MBTPS2: variants seen among roughly 807,000 people sequenced by gnomAD.
The protein encoded by MBTPS2 is membrane-bound transcription factor site-2 protease.
MBTPS2 carries 2 observed loss-of-function variants against 35.4 expected under a neutral mutation model. The observed-to-expected ratio is 0.06, with a 90% CI of 0.02 to 0.18. The LOEUF is 0.18. Among genes scored for constraint, MBTPS2 ranks in the 10% least tolerant of loss-of-function variants. The pLI, the probability that MBTPS2 is intolerant of heterozygous loss-of-function variation, is 1.00. For synonymous variants in MBTPS2, 125 were observed against 140.4 expected, an observed-to-expected ratio of 0.89 and a Z score of 0.77; for missense variants, 244 against 386.5, an observed-to-expected ratio of 0.63 and a Z score of 3.09.
intron 1 of MBTPS2, among the ~76,000 whole-genome samples, chrX:21,842,296 A>G (rs750555933): frequency 8.9e-6 from 1 of 112,211 alleles, no homozygotes; most frequent in East Asian, 2.8e-4. Flanking sequence ...TTTAAGGGAC[A>G]TTATTGAGCC....
chrX:21,841,947 A>G (rs2092903083), intron 1 of MBTPS2: 1 of 111,503 alleles, frequency 9.0e-6, no homozygotes, highest in African/African-American at 3.3e-5. Flanking sequence ...AAGTTGTGTC[A>G]CTCCTTTTCC....
chrX:21,868,676 C>T, intron 6 of MBTPS2, 91 bp downstream of exon 6: 1 of 638,539 alleles, frequency 1.6e-6, no homozygotes, highest in Non-Finnish European at 2.7e-6. Context: ...AAGATCTCTT[C>T]ATATACAAAA....
chrX:21,882,287 C>G (rs933136926), intron 10 of MBTPS2, 146 bp from the exon 11 acceptor site: 1 of 500,059 alleles, frequency 2.0e-6, no homozygotes, highest in African/African-American at 2.4e-5. Context: ...TAGTAGAGAT[C>G]TAAGAAGGAA....
chrX:21,844,564 C>T (rs1445497573), intron 2 of MBTPS2, among the ~76,000 whole-genome samples: 1 of 111,869 alleles, frequency 8.9e-6, no homozygotes, highest in Non-Finnish European at 1.9e-5. Context: ...ATTCTATAGG[C>T]ATTAAAAACA....
intron 5 of MBTPS2, chrX:21,857,102 C>T (rs756850294): frequency 2.5e-6 from 3 of 1,209,819 alleles, no homozygotes; most frequent in Non-Finnish European, 1.1e-6. Flanking sequence ...AGGCTGAAAA[C>T]CCACCTGATT....
chrX:21,840,232 T>C (rs1055625085), intron 1 of MBTPS2, among the ~76,000 whole-genome samples: 2 of 112,809 alleles, frequency 1.8e-5, no homozygotes, highest in African/African-American at 6.4e-5. Context: ...CAAGTCGTGA[T>C]TGAAATCAGT....
intron 3 of MBTPS2, among the ~76,000 whole-genome samples, chrX:21,849,287 A>G (rs1394463318): frequency 8.9e-6 from 1 of 112,494 alleles, no homozygotes; most frequent in African/African-American, 3.2e-5. Flanking sequence ...CAAAGGACCA[A>G]TGCTGATATT....
intron 3 of MBTPS2, among the ~76,000 whole-genome samples, chrX:21,846,316 C>T (rs893198222): frequency 8.9e-6 from 1 of 111,918 alleles, no homozygotes; most frequent in African/African-American, 3.2e-5. Context: ...CTAGTAGATC[C>T]ATCATCACTG....
At chrX:21,850,956 C>T (rs925723781) in intron 3 of MBTPS2, among the ~76,000 whole-genome samples, 2 of 111,721 alleles carry the variant, frequency 1.8e-5, no homozygotes, top group African/African-American at 6.5e-5. Flanking sequence ...ATCGGGATCC[C>T]TATTAGACCA....
chrX:21,852,624 T>C (rs182813231), intron 4 of MBTPS2, among the ~76,000 whole-genome samples: 1 of 109,641 alleles, frequency 9.1e-6, no homozygotes, highest in East Asian at 2.8e-4. Context: ...ACTTGGGTAA[T>C]TTTTTTTTAA....
intron 5 of MBTPS2, among the ~76,000 whole-genome samples, chrX:21,854,609 A>T (rs766394582): frequency 8.9e-6 from 1 of 112,542 alleles, no homozygotes; most frequent in African/African-American, 3.2e-5. Context: ...CAATGAAAAT[A>T]TAACAGTTGT....
chrX:21,876,101 T>C (rs2092952728), intron 7 of MBTPS2, among the ~76,000 whole-genome samples: 1 of 112,111 alleles, frequency 8.9e-6, no homozygotes, highest in Non-Finnish European at 1.9e-5. Context: ...TTAGCTTGGA[T>C]TGATTTTTCT....
chrX:21,864,235 TTTTG>T (rs1262102157), intron 5 of MBTPS2, among the ~76,000 whole-genome samples: 1 of 112,333 alleles, frequency 8.9e-6, no homozygotes, highest in Non-Finnish European at 1.9e-5. Flanking sequence ...TTGTTTTGTT[TTTTG>T]TTTGTTTGTT....
At chrX:21,873,179 A>C (rs754894714) in intron 7 of MBTPS2, 1 of 111,758 alleles carries the variant, frequency 8.9e-6, no homozygotes, top group Admixed American at 9.5e-5. Flanking sequence ...TTAGATTTAA[A>C]CTCTTTGAAG....
chrX:21,862,062 A>G (rs2092932062), intron 5 of MBTPS2, among the ~76,000 whole-genome samples: 2 of 111,573 alleles, frequency 1.8e-5, no homozygotes, highest in African/African-American at 6.5e-5. Context: ...TAGCTCTGCT[A>G]TTCCCAACAT....
chrX:21,863,777 C>T lies in MBTPS2; in HGVS notation c.671-4690C>T, dbSNP rs1243159569. On this transcript the variant is annotated intron_variant, in intron 5 of 10. Coordinates refer to ENST00000379484, the MANE Select transcript of MBTPS2 (RefSeq NM_015884.4). ...TCCCGCTATCCCAAACATCACCTAGCCCATTAACTTCTCATTCCCAGTTGT... is the reference window on the plus strand; with the variant it reads ...TCCCGCTATCCCAAACATCACCTAGTCCATTAACTTCTCATTCCCAGTTGT... Among the ~76,000 whole-genome samples, 6 of 111,700 alleles carry T rather than the reference C, an allele frequency of 5.4e-5. No individual in the cohort carries two copies. The South Asian group carries it at 2.3e-3, about 42-fold the overall frequency.
At position 21,884,263 on chromosome X, in the gene MBTPS2, A is replaced by G; in HGVS notation, c.*1608A>G. On this transcript the variant is annotated 3_prime_UTR_variant, in exon 11 of 11. Transcript: ENST00000379484. ...TTCCAGAAAATACAGTATTTGTTCT[A>G]TTTTTAGGTAGACAATCATTTGGGA... 1.3e-6 allele frequency: 1 copy of G among 742,814 alleles called. No homozygotes were observed. The highest frequency in any genetic ancestry group is 1.6e-6 in the Non-Finnish European group (1 of 628,602). 61.2% of individuals were successfully genotyped at this position (742,814 alleles called of 1,213,427 possible).
intron 5 of MBTPS2, among the ~76,000 whole-genome samples, chrX:21,867,632 C>CTTTT (rs11290067): frequency 1.2e-5 from 1 of 84,314 alleles, no homozygotes; most frequent in Non-Finnish European, 2.3e-5. Context: ...ACGGTTTTCT[C>CTTTT]TTTTTTTTTT....
intron 3 of MBTPS2, 73 bp from the exon 4 acceptor site, chrX:21,851,436 T>G: frequency 1.7e-6 from 1 of 603,070 alleles, no homozygotes; most frequent in Non-Finnish European, 2.9e-6. Context: ...ATGAACATCA[T>G]GTATCTTAGT....
Sources: gnomAD v4.1 joint callset for allele counts (sites outside exome capture counted in the v4.1 genomes callset) on GRCh38, gnomAD v4.1.1 for gene constraint, MANE v1.5 for transcripts, NCBI Gene and HGNC (gene_info 2026-07-23, HGNC 2026-07-21) for gene names.